The following UNC5B variants were observed in gnomAD, a reference collection of about 807,000 sequenced individuals.
UNC5B encodes the protein netrin receptor UNC5B.
A neutral mutation model predicts 103.7 loss-of-function variants in UNC5B; 56 were observed. The observed-to-expected ratio is 0.54, with a 90% CI of 0.44 to 0.67. UNC5B has a LOEUF of 0.67. UNC5B is among the 30% of genes least tolerant of loss of function. UNC5B has a pLI of 0.00. For synonymous variants in UNC5B, 577 were observed against 542.0 expected (o/e 1.06, Z -0.90); for missense variants, 1,194 against 1,284.5 (o/e 0.93, Z 1.08).
chr10:71,225,526 C>T (rs752292691), intron 1 of UNC5B, among the ~76,000 whole-genome samples: 3 of 152,214 alleles, frequency 2.0e-5, no homozygotes, highest in South Asian at 2.1e-4. Flanking sequence ...CCGGGTGCCA[C>T]GTCAGAGAAG....
rs1843289791 is a variant in UNC5B at position 71,214,258 on chromosome 10, C to G, written c.79+1194C>G. ...TGCGAAGTTGACATCCGCCCTTCCC[C>G]CCTCCATAGCCAAAGATTCCTCATT... On this transcript the variant is annotated intron_variant, in intron 1 of 16. Transcript: ENST00000335350. 2.0e-5 allele frequency among the ~76,000 whole-genome samples: 3 copies of G among 152,304 alleles called. No individual in the cohort carries two copies. In the South Asian group the frequency reaches 6.2e-4, roughly 32 times the overall value.
rs118136727 is a variant in UNC5B, at chr10:71,220,079, C to T, written c.79+7015C>T. 5.3e-5 allele frequency among the ~76,000 whole-genome samples: 8 copies of T among 152,262 alleles called. No individual in the cohort carries two copies. In the East Asian group the frequency reaches 9.7e-4, roughly 18 times the overall value. On this transcript the variant is annotated intron_variant, in intron 1 of 16. Coordinates refer to ENST00000335350, the MANE Select transcript of UNC5B (RefSeq NM_170744.5). ...ATCCTTGGAGAACAAACCCTCTGGC[C>T]CCATTCCACCTCCCAGCATCCCAGG...
intron 2 of UNC5B, among the ~76,000 whole-genome samples, chr10:71,282,300 T>TGG (rs1353713766): frequency 2.6e-5 from 4 of 152,248 alleles, no homozygotes; most frequent in Admixed American, 2.6e-4. Flanking sequence ...TTATGCCAGA[T>TGG]TGGGGCAGGC....
At position 71,288,569 on chromosome 10, in the gene UNC5B, C is replaced by G. The variant is rs767291303; in HGVS notation, c.903C>G (p.Val301=). 2.5e-6 allele frequency: 4 copies of G among 1,612,296 alleles called. No individual in the cohort carries two copies. In the East Asian group the frequency reaches 8.9e-5, roughly 36 times the overall value. Residue 301 remains valine, a splice_region_variant and synonymous_variant, in exon 7 of 17, where the codon GTC becomes GTG. Transcript: ENST00000335350. Reference sequence around the variant, plus strand: ...CTCCTGTATGCCATGCTCTTACAGTCGATGGGGCGTGGACGGAGTGGAGCA... The same window carrying G: ...CTCCTGTATGCCATGCTCTTACAGTGGATGGGGCGTGGACGGAGTGGAGCA... ...QKTACTTICP[V]DGAWTEWSKW...
intron 3 of UNC5B, 65 bp from the exon 4 acceptor site, chr10:71,285,259 AGT>A (rs1491240827): frequency 6.8e-7 from 1 of 1,465,882 alleles, no homozygotes; most frequent in Non-Finnish European, 9.4e-7. Context: ...CAGTGGCTAC[AGT>A]GTAGCACATC....
At chr10:71,298,420 A>G (rs1339043187) in intron 16 of UNC5B, among the ~76,000 whole-genome samples, 3 of 152,128 alleles carry the variant, frequency 2.0e-5, no homozygotes, top group East Asian at 1.9e-4. Flanking sequence ...TGGTGCCATC[A>G]TTGTCAGCAC....
intron 1 of UNC5B, among the ~76,000 whole-genome samples, chr10:71,239,118 G>C (rs1843833355): frequency 6.6e-6 from 1 of 152,124 alleles, no homozygotes. Flanking sequence ...GCCAACCTCT[G>C]CCCCCACAGT....
intron 1 of UNC5B, among the ~76,000 whole-genome samples, chr10:71,246,685 C>A (rs1844045582): frequency 6.6e-6 from 1 of 152,038 alleles, no homozygotes; most frequent in South Asian, 2.1e-4. Flanking sequence ...ATATAATCAC[C>A]CCAGCGCTCC....
At chr10:71,277,112 C>T (rs1844790737) in intron 1 of UNC5B, among the ~76,000 whole-genome samples, 2 of 152,228 alleles carry the variant, frequency 1.3e-5, no homozygotes, top group South Asian at 4.1e-4. Context: ...ATGTCTGCAC[C>T]CACTTAATAA....
Position 71,220,785 on chromosome 10 carries a change from A to G in UNC5B, c.79+7721A>G, listed in dbSNP as rs373894926. ...GGAGAGAGCCTAGCAATGCATCATC[A>G]TCTTCCTCCACGGGAGTGAAAGCTG... On this transcript the variant is annotated intron_variant, in intron 1 of 16. Coordinates refer to ENST00000335350, the MANE Select transcript of UNC5B (RefSeq NM_170744.5). Among the ~76,000 whole-genome samples the G allele has an allele frequency of 5.4e-3, 818 of 152,276 alleles. 9 individuals are homozygous for G. The highest frequency in any genetic ancestry group is 0.018 in the African/African-American group (756 of 41,544).
Position 71,213,018 on chromosome 10 carries a change from G to T in UNC5B, c.33G>T (p.Leu11=). 2 of 1,420,256 alleles carry T rather than the reference G, an allele frequency of 1.4e-6. No homozygotes were observed. The highest frequency in any genetic ancestry group is 1.9e-6 in the Non-Finnish European group (2 of 1,081,034). The allele number at this position is 1,420,256 out of a possible 1,614,324, so 88.0% of individuals were successfully genotyped here. ...CCCGGAGCGGAGCTCGGGGCGCGCT[G>T]CTGCTGGCACTGCTGCTCTGCTGGG... is the stretch of plus-strand genomic sequence containing the variant. MGARSGARGA[L]LLALLLCWDP... The change falls in exon 1 of 17, where the codon CTG becomes CTT. Residue 11 remains leucine, a synonymous_variant. Coordinates refer to ENST00000335350, the MANE Select transcript of UNC5B (RefSeq NM_170744.5). This position sits in a 1 kb window ranked among gnomAD's most constrained non-coding sequence, Gnocchi z 4.1.
intron 1 of UNC5B, among the ~76,000 whole-genome samples, chr10:71,242,961 G>T (rs970717543): frequency 6.6e-6 from 1 of 152,198 alleles, no homozygotes; most frequent in Non-Finnish European, 1.5e-5. Context: ...AGCCGGGCGC[G>T]GTGGCTCAGG....
rs117689315 is a variant in UNC5B at position 71,261,634 on chromosome 10, G to T, written c.80-18187G>T. On this transcript the variant is annotated intron_variant, in intron 1 of 16. Transcript: ENST00000335350. ...AAACACATCATTCTTAGTATTAACC[G>T]AGTCCTTCCTTGTGCCCCTCCTTGT... Among the ~76,000 whole-genome samples the T allele has an allele frequency of 9.9e-5, 15 of 152,254 alleles. 1 individual carries two copies. The East Asian group carries it at 2.9e-3, about 29-fold the overall frequency.
At chr10:71,287,544 G>A (rs930631575) in intron 5 of UNC5B, 54 bp from the exon 6 acceptor site, 9 of 1,530,976 alleles carry the variant, frequency 5.9e-6, no homozygotes, top group Non-Finnish European at 7.9e-6. Flanking sequence ...GGGTTTGGGG[G>A]AGGGCAGAGG....
chr10:71,250,541 T>C (rs1844149672), intron 1 of UNC5B, among the ~76,000 whole-genome samples: 1 of 152,224 alleles, frequency 6.6e-6, no homozygotes, highest in South Asian at 2.1e-4. Flanking sequence ...CTCAGGTGGC[T>C]GTTTTGAAAG....
chr10:71,245,313 C>T (rs1234065920), intron 1 of UNC5B, among the ~76,000 whole-genome samples: 2 of 152,184 alleles, frequency 1.3e-5, no homozygotes, highest in African/African-American at 4.8e-5. Flanking sequence ...AATCAGTCTG[C>T]GTTTTGACAA....
At chr10:71,240,823 A>T (rs1564712179) in intron 1 of UNC5B, among the ~76,000 whole-genome samples, 1 of 152,230 alleles carries the variant, frequency 6.6e-6, no homozygotes, top group Non-Finnish European at 1.5e-5. Flanking sequence ...GGTTCCTTTG[A>T]CGGCCCTTAG....
intron 1 of UNC5B, among the ~76,000 whole-genome samples, chr10:71,274,786 C>T (rs1164759103): frequency 6.6e-6 from 1 of 152,144 alleles, no homozygotes; most frequent in Non-Finnish European, 1.5e-5. Flanking sequence ...GTTTCCTCCT[C>T]CTCCTTCCCT....
intron 10 of UNC5B, 74 bp from the exon 11 acceptor site, chr10:71,292,393 A>C: frequency 7.5e-7 from 1 of 1,340,762 alleles, no homozygotes; most frequent in Non-Finnish European, 1.0e-6. Flanking sequence ...TCCCAGCCCC[A>C]AGCTGGGGCC....
Sources: allele counts gnomAD v4.1 joint callset (sites outside exome capture counted in the v4.1 genomes callset), GRCh38; gene constraint gnomAD v4.1.1; non-coding constraint Gnocchi (gnomAD v3.1); transcripts MANE v1.5; gene names NCBI Gene and HGNC (gene_info 2026-07-23, HGNC 2026-07-21).